Variants in TENM2 observed in about 807,000 individuals in gnomAD.
TENM2 encodes teneurin-2.
In TENM2, 52 loss-of-function variants were observed where a neutral mutation model predicts 245.2. The observed-to-expected ratio is 0.21, with a 90% confidence interval of 0.17 to 0.27. The LOEUF (loss-of-function observed/expected upper bound fraction) is 0.27, where lower values mean the gene tolerates loss of function less well. Ranked by LOEUF, TENM2 falls within the 10% of genes least tolerant of loss-of-function variation. TENM2 has a pLI of 1.00. For synonymous variants in TENM2, 1,363 were observed against 1,438.9 expected, an observed-to-expected ratio of 0.95 and a Z score of 1.19; for missense variants, 3,046 against 3,666.8, an observed-to-expected ratio of 0.83 and a Z score of 4.37.
chr5:168,080,512 A>G (rs1791897321), intron 7 of TENM2, among the ~76,000 whole-genome samples: 1 of 151,908 alleles, frequency 6.6e-6, no homozygotes, highest in African/African-American at 2.4e-5. Context: ...AGTTCTTTTA[A>G]TTGTGATGTT....
intron 2 of TENM2, among the ~76,000 whole-genome samples, chr5:167,654,681 A>G (rs1250814995): frequency 6.6e-6 from 1 of 151,960 alleles, no homozygotes; most frequent in African/African-American, 2.4e-5. Context: ...TACTCTAAAA[A>G]CCTCTAAATC....
intron 25 of TENM2, chr5:168,232,248 T>A (rs1764999157): frequency 6.6e-6 from 1 of 152,330 alleles, no homozygotes; most frequent in Non-Finnish European, 1.5e-5. Context: ...TTGAGAGATG[T>A]CTAGCACACG....
chr5:167,091,296 A>T, the TENM2 span, among the ~76,000 whole-genome samples: 1 of 152,190 alleles, frequency 6.6e-6, no homozygotes, highest in Non-Finnish European at 1.5e-5. Context: ...AAATTTACAT[A>T]TGTATGGATA....
rs548217279 is a variant in TENM2 at position 168,156,719 on chromosome 5, T to G, written c.2423-5892T>G. On this transcript the variant is annotated intron_variant, in intron 12 of 28. Transcript: ENST00000518659. Reference sequence around the variant, plus strand: ...CTGGTAACTGTGTGGACAGACTTTTTTTTTTCTAGTGGTTGGAATTTTATG... The same window carrying G: ...CTGGTAACTGTGTGGACAGACTTTTGTTTTTCTAGTGGTTGGAATTTTATG... 3.1e-4 allele frequency among the ~76,000 whole-genome samples: 47 copies of G among 152,342 alleles called. No homozygotes were observed. The Middle Eastern group carries it at 0.01, about 33-fold the overall frequency.
Position 168,247,740 on chromosome 5 carries a change from T to C in TENM2, c.6801T>C (p.Asp2267=), listed in dbSNP as rs1481144229. The change falls in exon 27 of 29, where the codon GAT becomes GAC. Residue 2267 remains aspartate, a synonymous_variant. Coordinates refer to ENST00000518659, the Ensembl canonical transcript of TENM2. The surrounding 1 kb of genome is among the most constrained non-coding windows in gnomAD (Gnocchi z 7.8). The stretch of plus-strand genomic sequence containing the variant: ...ATGTGCAGTACAAAATTGACGACGA[T>C]GGCTATCTGTGCCAGAGAGGGTCTG... 1.9e-6 allele frequency: 3 copies of C among 1,613,912 alleles called. No individual in the cohort carries two copies. Among genetic ancestry groups the C allele is most frequent in the South Asian group, 2.2e-5 (2 of 91,074 alleles).
intron 1 of TENM2, chr5:167,306,322 A>AG (rs1755673721): frequency 6.6e-6 from 1 of 152,172 alleles, no homozygotes; most frequent in Non-Finnish European, 1.5e-5. Context: ...CTTTATCTCA[A>AG]ACCAGATGGT....
the TENM2 span, among the ~76,000 whole-genome samples, chr5:167,160,294 T>C: frequency 6.6e-6 from 1 of 152,232 alleles, no homozygotes; most frequent in South Asian, 2.1e-4. Flanking sequence ...CTCCTTTGCG[T>C]GGATTCTGGT....
intron 2 of TENM2, among the ~76,000 whole-genome samples, chr5:167,535,133 G>T (rs1366697251): frequency 2.6e-5 from 4 of 151,946 alleles, no homozygotes; most frequent in Admixed American, 2.0e-4. Context: ...CTCTTCAGAA[G>T]ATTCCAGTAA....
intron 2 of TENM2, among the ~76,000 whole-genome samples, chr5:167,479,916 TTGAA>T (rs1253814460): frequency 6.6e-6 from 1 of 152,164 alleles, no homozygotes; most frequent in Non-Finnish European, 1.5e-5. Flanking sequence ...GCATGACTGT[TTGAA>T]TGGTTTAAAA....
the TENM2 span, among the ~76,000 whole-genome samples, chr5:167,176,392 G>C: frequency 6.6e-6 from 1 of 152,174 alleles, no homozygotes; most frequent in Non-Finnish European, 1.5e-5. Flanking sequence ...AACTCACTGA[G>C]CTTTTTCTGC....
At chr5:167,918,453 T>TAA (rs1252908632) in intron 3 of TENM2, among the ~76,000 whole-genome samples, 1 of 152,328 alleles carries the variant, frequency 6.6e-6, no homozygotes, top group East Asian at 1.9e-4. Context: ...TATAAGCTCT[T>TAA]ACCTGCCGAA....
intron 2 of TENM2, among the ~76,000 whole-genome samples, chr5:167,439,505 C>T (rs1271421902): frequency 6.6e-6 from 1 of 152,104 alleles, no homozygotes; most frequent in East Asian, 1.9e-4. Flanking sequence ...AATAACAATG[C>T]CAATATCTTA....
chr5:168,182,135 G>T lies in TENM2; in HGVS notation c.2570-8202G>T, dbSNP rs201231175. Among the ~76,000 whole-genome samples, 4 of 152,236 alleles carry T rather than the reference G, an allele frequency of 2.6e-5. No homozygotes were observed. In the East Asian group the frequency reaches 7.7e-4, roughly 29 times the overall value. On this transcript the variant is annotated intron_variant, in intron 13 of 28. Transcript: ENST00000518659. ...GCCAATCTATTGCTTTAAAAGGTTCGCAATGCAGGAGACCTTACAGAGGCA... is the reference window on the plus strand; with the variant it reads ...GCCAATCTATTGCTTTAAAAGGTTCTCAATGCAGGAGACCTTACAGAGGCA...
chr5:167,296,977 G>A (rs1430284566), intron 1 of TENM2, among the ~76,000 whole-genome samples: 3 of 152,218 alleles, frequency 2.0e-5, no homozygotes, highest in Admixed American at 2.0e-4. Flanking sequence ...TGAAAAGTCT[G>A]CATGTCCTAG....
At chr5:167,225,343 T>C in the TENM2 span, among the ~76,000 whole-genome samples, 1 of 152,068 alleles carries the variant, frequency 6.6e-6, no homozygotes, top group Non-Finnish European at 1.5e-5. Flanking sequence ...GTTCGTTTAA[T>C]GCCTAGTTTG....
At chr5:168,033,906 A>G (rs1339279761) in intron 5 of TENM2, among the ~76,000 whole-genome samples, 2 of 151,938 alleles carry the variant, frequency 1.3e-5, no homozygotes, top group African/African-American at 2.4e-5. Context: ...GGGCACCTAT[A>G]GTCCCAGCTA....
Position 167,329,372 on chromosome 5 carries a change from CA to C in TENM2, c.226+44310del, listed in dbSNP as rs369320595. Among the ~76,000 whole-genome samples the C allele has an allele frequency of 1.2e-3, 170 of 139,544 alleles. 2 individuals are homozygous for C. The East Asian group carries it at 0.029, about 24-fold the overall frequency. 91.5% of individuals were successfully genotyped at this position (139,544 alleles called of 152,430 possible). Reference sequence around the variant, plus strand: ...GATCCTGGCTAACATGGTGAAACCCCATCTCTACTAAAAATACAAAAAAAAA... The same window carrying C: ...GATCCTGGCTAACATGGTGAAACCCCTCTCTACTAAAAATACAAAAAAAAA... On this transcript the variant is annotated intron_variant, in intron 1 of 28. Transcript: ENST00000518659.
At chr5:167,694,334 T>G (rs113169492) in intron 2 of TENM2, among the ~76,000 whole-genome samples, 51 of 152,282 alleles carry the variant, frequency 3.3e-4, no homozygotes, top group African/African-American at 1.2e-3. Context: ...GGCCTGGAAC[T>G]CAGGCTGTTA....
intron 2 of TENM2, among the ~76,000 whole-genome samples, chr5:167,822,809 G>A (rs991928175): frequency 3.3e-5 from 5 of 152,156 alleles, no homozygotes; most frequent in African/African-American, 1.2e-4. Flanking sequence ...AGGCATTTAG[G>A]CAAATCGATT....
Sources: gnomAD v4.1 joint callset for allele counts (sites outside exome capture counted in the v4.1 genomes callset) on GRCh38, gnomAD v4.1.1 for gene constraint, Gnocchi (gnomAD v3.1) non-coding constraint, MANE v1.5 for transcripts, NCBI Gene and HGNC (gene_info 2026-07-23, HGNC 2026-07-21) for gene names.